EPHA5: variants seen among roughly 807,000 people sequenced by gnomAD.
EPHA5 encodes EPH receptor A5, also known as ephrin type-A receptor 5.
A neutral mutation model predicts 105.0 loss-of-function variants in EPHA5; 60 were observed. That is an observed-to-expected ratio of 0.57 (90% CI 0.46 to 0.71). EPHA5 has a LOEUF of 0.71. EPHA5 is among the 30% of genes least tolerant of loss of function. The pLI is 0.00. For synonymous variants in EPHA5, 513 were observed against 449.1 expected (o/e 1.14, Z -1.80); for missense variants, 1,218 against 1,274.7 (o/e 0.96, Z 0.68).
chr4:65,333,398 C>G (rs1049182372), intron 15 of EPHA5, among the ~76,000 whole-genome samples: 2 of 151,668 alleles, frequency 1.3e-5, no homozygotes, highest in Admixed American at 1.3e-4. Context: ...TCTGTGAGCA[C>G]TTTTCAAACT....
At chr4:65,571,139 A>C (rs200102277) in intron 3 of EPHA5, among the ~76,000 whole-genome samples, 1 of 151,928 alleles carries the variant, frequency 6.6e-6, no homozygotes, top group East Asian at 1.9e-4. Flanking sequence ...ACATTTATTC[A>C]TCTGAGAAAA....
chr4:65,450,738 C>A (rs955706324), intron 5 of EPHA5, among the ~76,000 whole-genome samples: 1 of 152,104 alleles, frequency 6.6e-6, no homozygotes, highest in Non-Finnish European at 1.5e-5. Flanking sequence ...AAGTCACCTA[C>A]GCATTGACTT....
At position 65,490,683 on chromosome 4, in the gene EPHA5, A is replaced by G; in HGVS notation, c.1096T>C (p.Ser366Pro). ...AAGACACTAGTTTCATTAACATTTG[A>G]GATGGCATTCCGAGGAGCAGAGGGG... ...RPPSAPRNAI[S>P]NVNETSVFLE... The change falls in exon 5 of 17, where the codon TCA becomes CCA. Residue 366 changes from serine (S) to proline (P), a missense_variant. By Grantham distance (74) the Ser-to-Pro change is moderately conservative (BLOSUM62 -1). This residue lies in a region of EPHA5 where 971 missense variants were observed against 1,013.5 expected (regional missense o/e 0.96). Transcript: ENST00000613740. 1 of 1,614,002 alleles carries G rather than the reference A, an allele frequency of 6.2e-7. No homozygotes were observed. The highest frequency in any genetic ancestry group is 8.5e-7 in the Non-Finnish European group (1 of 1,179,866).
chr4:65,551,338 T>A (rs926952763), intron 3 of EPHA5, among the ~76,000 whole-genome samples: 1 of 151,548 alleles, frequency 6.6e-6, no homozygotes, highest in Non-Finnish European at 1.5e-5. Context: ...AACCTATTTA[T>A]GTTTGAGAGT....
At chr4:65,332,275 A>C (rs1241943428) in intron 15 of EPHA5, 147 bp from the exon 16 acceptor site, 1 of 584,010 alleles carries the variant, frequency 1.7e-6, no homozygotes, top group Non-Finnish European at 2.8e-6. Context: ...ATATGGAAGA[A>C]AATAATTTAA....
At chr4:65,485,134 C>G (rs1458142184) in intron 5 of EPHA5, among the ~76,000 whole-genome samples, 3 of 151,700 alleles carry the variant, frequency 2.0e-5, no homozygotes, top group African/African-American at 4.8e-5. Context: ...ATTTTATCCT[C>G]TAATTTGTAT....
intron 1 of EPHA5, among the ~76,000 whole-genome samples, chr4:65,646,902 G>A (rs191188491): frequency 2.3e-3 from 344 of 152,046 alleles, no homozygotes; most frequent in Middle Eastern, 6.8e-3. Flanking sequence ...AATTATTACA[G>A]GTGTTCTTAT....
intron 8 of EPHA5, among the ~76,000 whole-genome samples, chr4:65,391,173 G>T (rs2148955871): frequency 6.6e-6 from 1 of 152,154 alleles, no homozygotes; most frequent in East Asian, 1.9e-4. Flanking sequence ...CCTCCACCTG[G>T]TCTCTCCTTT....
chr4:65,360,378 T>C (rs1398978694), intron 11 of EPHA5, among the ~76,000 whole-genome samples: 1 of 151,670 alleles, frequency 6.6e-6, no homozygotes, highest in East Asian at 1.9e-4. Context: ...TTGTCAAGCA[T>C]GTACAGAATG....
At chr4:65,526,761 G>T (rs1735272777) in intron 3 of EPHA5, among the ~76,000 whole-genome samples, 1 of 151,736 alleles carries the variant, frequency 6.6e-6, no homozygotes, top group Non-Finnish European at 1.5e-5. Context: ...TATAACAACT[G>T]CATGGAATGG....
intron 5 of EPHA5, among the ~76,000 whole-genome samples, chr4:65,456,692 G>GT (rs1293928630): frequency 6.7e-6 from 1 of 149,022 alleles, no homozygotes; most frequent in Non-Finnish European, 1.5e-5. Flanking sequence ...GATATCAGTT[G>GT]TAAGTGGAAA....
At chr4:65,335,823 T>C in intron 15 of EPHA5, 109 bp downstream of exon 15, 3 of 1,139,168 alleles carry the variant, frequency 2.6e-6, no homozygotes, top group South Asian at 1.7e-5. Context: ...TAGTGTCATA[T>C]AGATTCACAG....
At chr4:65,499,143 TAAAAG>T (rs751205509) in intron 3 of EPHA5, among the ~76,000 whole-genome samples, 3 of 151,644 alleles carry the variant, frequency 2.0e-5, no homozygotes, top group Non-Finnish European at 4.4e-5. Flanking sequence ...CTTGAGAAAA[TAAAAG>T]TTGTCAGAAG....
chr4:65,588,290 T>C (rs1742312892), intron 3 of EPHA5, among the ~76,000 whole-genome samples: 1 of 152,178 alleles, frequency 6.6e-6, no homozygotes. Context: ...GAATCTTAGA[T>C]CTTATTTCTT....
At chr4:65,551,901 A>G (rs1737957188) in intron 3 of EPHA5, among the ~76,000 whole-genome samples, 1 of 152,206 alleles carries the variant, frequency 6.6e-6, no homozygotes, top group African/African-American at 2.4e-5. Flanking sequence ...AATTTTTAGT[A>G]AAATATTTAT....
chr4:65,614,296 G>T (rs1013705385), intron 2 of EPHA5, among the ~76,000 whole-genome samples: 6 of 151,704 alleles, frequency 4.0e-5, no homozygotes, highest in African/African-American at 1.5e-4. Flanking sequence ...AATCCCTTTT[G>T]CCAATGTATT....
Position 65,390,553 on chromosome 4 carries a change from C to G in EPHA5, c.1793+13821G>C, listed in dbSNP as rs561087220. Reference sequence around the variant, plus strand: ...TCCGTGTTTCTTCCTGTGGTCATACCTTACTAACCATCAGTTAGATGAACA... The same window carrying G: ...TCCGTGTTTCTTCCTGTGGTCATACGTTACTAACCATCAGTTAGATGAACA... On this transcript the variant is annotated intron_variant, in intron 8 of 16. Coordinates refer to ENST00000613740, the MANE Select transcript of EPHA5 (RefSeq NM_001281766.3). Among the ~76,000 whole-genome samples, 142 of 152,052 alleles carry G rather than the reference C, an allele frequency of 9.3e-4. 1 individual carries two copies. Among genetic ancestry groups the G allele is most frequent in the Non-Finnish European group, 1.6e-3 (110 of 67,974 alleles).
chr4:65,553,525 C>A (rs1320156726), intron 3 of EPHA5, among the ~76,000 whole-genome samples: 2 of 151,894 alleles, frequency 1.3e-5, no homozygotes, highest in Non-Finnish European at 2.9e-5. Context: ...CTTGGTTGTC[C>A]TCAATTTCTC....
intron 8 of EPHA5, among the ~76,000 whole-genome samples, chr4:65,375,308 A>G (rs1718886362): frequency 6.6e-6 from 1 of 151,714 alleles, no homozygotes; most frequent in Admixed American, 6.6e-5. Context: ...TCACAAACAC[A>G]CACACAGGCA....
Sources: gnomAD v4.1 joint callset for allele counts (sites outside exome capture counted in the v4.1 genomes callset) on GRCh38, gnomAD v4.1.1 for gene constraint, gnomAD v4.1.1 regional missense constraint, MANE v1.5 for transcripts, NCBI Gene and HGNC (gene_info 2026-07-23, HGNC 2026-07-21) for gene names.